TMEM164: variants seen among roughly 807,000 people sequenced by gnomAD.
TMEM164 encodes transmembrane protein 164.
In TMEM164, 4 loss-of-function variants were observed where a neutral mutation model predicts 18.8. The observed-to-expected ratio is 0.21, with a 90% confidence interval of 0.10 to 0.49. The LOEUF (loss-of-function observed/expected upper bound fraction) is 0.49. Among genes scored for constraint, TMEM164 ranks in the 20% least tolerant of loss-of-function variants. TMEM164 has a pLI of 0.98. For synonymous variants in TMEM164, 86 were observed against 101.7 expected, an observed-to-expected ratio of 0.85 and a Z score of 0.93; for missense variants, 108 against 239.9, an observed-to-expected ratio of 0.45 and a Z score of 3.63.
intron 2 of TMEM164, among the ~76,000 whole-genome samples, chrX:110,019,913 A>G (rs1933711140): frequency 8.9e-6 from 1 of 111,956 alleles, no homozygotes; most frequent in Non-Finnish European, 1.9e-5. Flanking sequence ...TCTCTGATCC[A>G]GCCACCAGCA....
intron 5 of TMEM164, among the ~76,000 whole-genome samples, chrX:110,167,300 G>T (rs1211018281): frequency 1.8e-5 from 2 of 112,465 alleles, no homozygotes; most frequent in African/African-American, 6.5e-5. Context: ...TTTGCCCAAG[G>T]TCACTCCTAT....
At chrX:110,057,817 C>T (rs753637273) in intron 2 of TMEM164, among the ~76,000 whole-genome samples, 2 of 111,220 alleles carry the variant, frequency 1.8e-5, no homozygotes, top group South Asian at 7.4e-4. Context: ...TATTCAGATC[C>T]TTTGCCCATT....
intron 2 of TMEM164, among the ~76,000 whole-genome samples, chrX:110,026,881 G>A (rs1934218920): frequency 8.9e-6 from 1 of 111,827 alleles, no homozygotes; most frequent in Admixed American, 9.5e-5. Context: ...CATCATTTTT[G>A]TATCCAGCAA....
At chrX:110,105,679 G>GACACACACACACACACAC (rs758900532) in intron 3 of TMEM164, among the ~76,000 whole-genome samples, 3 of 65,417 alleles carry the variant, frequency 4.6e-5, no homozygotes, top group African/African-American at 1.1e-4. Flanking sequence ...TAGAAACACA[G>GACACACACACACACACAC]ACACACACAC....
intron 2 of TMEM164, among the ~76,000 whole-genome samples, chrX:110,022,469 T>G (rs180847085): frequency 1.8e-5 from 2 of 111,649 alleles, no homozygotes; most frequent in Non-Finnish European, 3.8e-5. Flanking sequence ...TATCTGCCCC[T>G]TTTGAGCAGA....
intron 2 of TMEM164, among the ~76,000 whole-genome samples, chrX:110,012,022 A>T (rs1799508605): frequency 8.9e-6 from 1 of 112,027 alleles, no homozygotes; most frequent in African/African-American, 3.2e-5. Context: ...GATGAGATAG[A>T]AAATTGTGTT....
chrX:110,042,004 A>T (rs1287987461), intron 2 of TMEM164, among the ~76,000 whole-genome samples: 1 of 112,220 alleles, frequency 8.9e-6, no homozygotes. Context: ...TACTACATTT[A>T]AAAAAATTAG....
chrX:110,067,154 G>GCGCACACA lies in TMEM164; in HGVS notation c.391-192_391-191insGCACACAC, dbSNP rs34465050. ...CTCCTTCTCCCTTTCTCATGTGTGC[G>GCGCACACA]CACACACACACACACACACACACAC... On this transcript the variant is annotated intron_variant, in intron 2 of 6. Coordinates refer to ENST00000372068, the MANE Select transcript of TMEM164 (RefSeq NM_032227.4). 6.4e-3 allele frequency among the ~76,000 whole-genome samples: 650 copies of GCGCACACA among 101,629 alleles called. 1 individual carries two copies. Among genetic ancestry groups the GCGCACACA allele is most frequent in the African/African-American group, 0.012 (326 of 27,878 alleles). 88.3% of individuals were successfully genotyped at this position (101,629 alleles called of 115,157 possible).
At position 110,176,029 on chromosome X, in the gene TMEM164, T is replaced by A; in HGVS notation, c.*2578T>A. 7 of 756,467 alleles carry A rather than the reference T, an allele frequency of 9.3e-6. No individual in the cohort carries two copies. The highest frequency in any genetic ancestry group is 1.1e-5 in the Non-Finnish European group (7 of 639,636). The allele number at this position is 756,467 out of a possible 1,213,427, so 62.3% of individuals were successfully genotyped here. The stretch of plus-strand genomic sequence containing the variant: ...TGGCCAGTGGGGCTGTCTTCCCAGC[T>A]CCTCCTCAGGGCTTTCCTGTCAGTG... On this transcript the variant is annotated 3_prime_UTR_variant, in exon 7 of 7. Coordinates refer to ENST00000372068, the MANE Select transcript of TMEM164 (RefSeq NM_032227.4).
In TMEM164 at chrX:110,119,384, A is replaced by C. The variant is rs901292260; in HGVS notation, c.507+10238A>C. On this transcript the variant is annotated intron_variant, in intron 4 of 6. Coordinates refer to ENST00000372068, the MANE Select transcript of TMEM164 (RefSeq NM_032227.4). Reference sequence around the variant, plus strand: ...CAAGGCAGGAGGATCACTTAAGCACAGGAGTTTGACACAAGCCTGGGCAAC... The same window carrying C: ...CAAGGCAGGAGGATCACTTAAGCACCGGAGTTTGACACAAGCCTGGGCAAC... 4.5e-5 allele frequency among the ~76,000 whole-genome samples: 5 copies of C among 111,358 alleles called. No homozygotes were observed. In the East Asian group the frequency reaches 1.4e-3, roughly 32 times the overall value.
At chrX:110,121,240 A>G (rs763674114) in intron 4 of TMEM164, among the ~76,000 whole-genome samples, 1 of 112,295 alleles carries the variant, frequency 8.9e-6, no homozygotes, top group Non-Finnish European at 1.9e-5. Context: ...TCAAATATAC[A>G]ATTCAGTGGT....
chrX:110,035,275 T>C (rs1934739085), intron 2 of TMEM164, among the ~76,000 whole-genome samples: 1 of 110,450 alleles, frequency 9.1e-6, no homozygotes, highest in South Asian at 3.9e-4. Context: ...AAATCACTCA[T>C]AGTCTTGCCA....
intron 3 of TMEM164, among the ~76,000 whole-genome samples, chrX:110,103,509 A>G (rs1292710951): frequency 9.0e-6 from 1 of 110,660 alleles, no homozygotes; most frequent in East Asian, 2.9e-4. Flanking sequence ...GAAGAGGAAT[A>G]TAGCCTCCTG....
At chrX:110,120,439 A>T (rs187160048) in intron 4 of TMEM164, among the ~76,000 whole-genome samples, 2 of 112,161 alleles carry the variant, frequency 1.8e-5, no homozygotes, top group African/African-American at 6.5e-5. Context: ...GCCACTTTCA[A>T]TACACACTCA....
intron 2 of TMEM164, chrX:110,020,486 G>A (rs1305343911): frequency 1.3e-6 from 1 of 752,580 alleles, no homozygotes; most frequent in Non-Finnish European, 1.6e-6. Context: ...AGCTAGAGAA[G>A]AGAAAGAAGA....
At chrX:110,132,341 A>G (rs899002012) in intron 4 of TMEM164, among the ~76,000 whole-genome samples, 2 of 111,536 alleles carry the variant, frequency 1.8e-5, no homozygotes, top group African/African-American at 6.5e-5. Context: ...AGCCACATTG[A>G]TGAGAACTCA....
At chrX:110,105,514 C>T (rs1483443503) in intron 3 of TMEM164, among the ~76,000 whole-genome samples, 1 of 109,272 alleles carries the variant, frequency 9.2e-6, no homozygotes, top group Non-Finnish European at 1.9e-5. Context: ...CAGTCATTTA[C>T]CTGTAGAGCT....
intron 5 of TMEM164, among the ~76,000 whole-genome samples, chrX:110,164,616 G>A (rs921891285): frequency 2.7e-5 from 3 of 111,500 alleles, no homozygotes; most frequent in Non-Finnish European, 5.6e-5. Flanking sequence ...ATGCTGGAAG[G>A]TTCATCTAGA....
At chrX:110,180,563 A>AT (rs1191878474), downstream of TMEM164, among the ~76,000 whole-genome samples, 8 of 109,231 alleles carry the variant, frequency 7.3e-5, no homozygotes, top group Middle Eastern at 4.3e-3. Context: ...TGCTGGGCAA[A>AT]GGGGTTTAAG....
Sources: allele counts gnomAD v4.1 joint callset (sites outside exome capture counted in the v4.1 genomes callset), GRCh38; gene constraint gnomAD v4.1.1; transcripts MANE v1.5; gene names NCBI Gene and HGNC (gene_info 2026-07-23, HGNC 2026-07-21).